The following UBE2N variants were observed in gnomAD, a reference collection of about 807,000 sequenced individuals.
UBE2N encodes ubiquitin-conjugating enzyme E2 N.
For missense variants in UBE2N, 60 were observed against 192.1 expected (o/e 0.31, Z 4.07); for synonymous variants, 70 against 69.2 (o/e 1.01, Z -0.06).
rs1258651606 is a variant in UBE2N at position 93,406,763 on chromosome 12, T to C, written c.*3276A>G. On this transcript the variant is annotated 3_prime_UTR_variant, in exon 4 of 4. Coordinates refer to ENST00000318066, the MANE Select transcript of UBE2N (RefSeq NM_003348.4). ...AGGATTTGTGTAGATTGTATGCATA[T>C]ACAACATCATTTTATTCCAGAGACT... is the stretch of plus-strand genomic sequence containing the variant. 6.6e-6 allele frequency: 1 copy of C among 152,044 alleles called. No individual in the cohort carries two copies. Among genetic ancestry groups the C allele is most frequent in the Non-Finnish European group, 1.5e-5 (1 of 68,004 alleles). 9.4% of individuals were successfully genotyped at this position (152,044 alleles called of 1,614,324 possible). A position where few individuals can be genotyped will look rare whatever the true frequency, so the allele number is the denominator to read the frequency against.
At chr12:93,426,914 A>G (rs1412234097) in intron 1 of UBE2N, among the ~76,000 whole-genome samples, 1 of 150,326 alleles carries the variant, frequency 6.7e-6, no homozygotes, top group Non-Finnish European at 1.5e-5. Context: ...GTGTTAGTGT[A>G]TTTTATGTGT....
At chr12:93,414,598 A>C (rs1420130283) in intron 1 of UBE2N, among the ~76,000 whole-genome samples, 1 of 152,018 alleles carries the variant, frequency 6.6e-6, no homozygotes, top group Non-Finnish European at 1.5e-5. Flanking sequence ...GACAAAAATT[A>C]GCTTCCTTGT....
intron 1 of UBE2N, among the ~76,000 whole-genome samples, chr12:93,427,558 T>C (rs540764308): frequency 1.1e-4 from 17 of 152,272 alleles, no homozygotes; most frequent in African/African-American, 3.1e-4. Context: ...GGAAAATCCA[T>C]AGAATTGGAA....
chr12:93,429,700 G>C (rs968890112), intron 1 of UBE2N, among the ~76,000 whole-genome samples: 2 of 152,008 alleles, frequency 1.3e-5, no homozygotes, highest in African/African-American at 4.8e-5. Flanking sequence ...TAGGACAAGA[G>C]GAGCTGGAAG....
At chr12:93,440,985 T>G (rs1430447832) in intron 1 of UBE2N, among the ~76,000 whole-genome samples, 1 of 152,080 alleles carries the variant, frequency 6.6e-6, no homozygotes, top group Non-Finnish European at 1.5e-5. Context: ...GCCAGGAGTT[T>G]TGGAAGCCGC....
intron 1 of UBE2N, among the ~76,000 whole-genome samples, chr12:93,435,583 G>C (rs1418091742): frequency 9.9e-5 from 15 of 152,188 alleles, no homozygotes. Context: ...CCGAGATTGT[G>C]CCATTGCACT....
chr12:93,421,209 G>C (rs1275552851), intron 1 of UBE2N, among the ~76,000 whole-genome samples: 6 of 146,712 alleles, frequency 4.1e-5, no homozygotes, highest in Admixed American at 1.4e-4. Flanking sequence ...TTTTTTTTTG[G>C]GGGGGCTGGG....
chr12:93,432,933 GTTTTT>G, intron 1 of UBE2N, among the ~76,000 whole-genome samples: 1 of 132,654 alleles, frequency 7.5e-6, no homozygotes, highest in East Asian at 2.2e-4. Flanking sequence ...CTTCATTCAG[GTTTTT>G]TTTTTTTTTT....
chr12:93,433,953 T>C (rs1386815941), intron 1 of UBE2N, among the ~76,000 whole-genome samples: 2 of 152,228 alleles, frequency 1.3e-5, no homozygotes, highest in Non-Finnish European at 2.9e-5. Context: ...TCCAACTTCT[T>C]TGGCCTACAA....
intron 1 of UBE2N, among the ~76,000 whole-genome samples, chr12:93,422,680 T>C (rs993300094): frequency 6.6e-6 from 1 of 152,194 alleles, no homozygotes; most frequent in African/African-American, 2.4e-5. Context: ...CTTGGTTTTT[T>C]TCTTTGATCC....
intron 1 of UBE2N, among the ~76,000 whole-genome samples, chr12:93,439,562 C>T (rs1879039734): frequency 6.6e-6 from 1 of 152,190 alleles, no homozygotes; most frequent in South Asian, 2.1e-4. Context: ...AAAGTCATGT[C>T]CCTATTGCCT....
chr12:93,430,802 T>TTATATATA (rs992126430), intron 1 of UBE2N, among the ~76,000 whole-genome samples: 18 of 147,710 alleles, frequency 1.2e-4, no homozygotes, highest in African/African-American at 4.2e-4. Context: ...AATATATATT[T>TTATATATA]TATATATATA....
rs1332154301 is a variant in UBE2N at position 93,406,393 on chromosome 12, A to G, written c.*3646T>C. On this transcript the variant is annotated 3_prime_UTR_variant, in exon 4 of 4. Transcript: ENST00000318066. ...GTTCCACTTAGGTCACTGTGTTTAT[A>G]ATGTCTTTTAGGACAGATTTCCTTC... 1 of 150,998 alleles carries G rather than the reference A, an allele frequency of 6.6e-6. No homozygotes were observed. Among genetic ancestry groups the G allele is most frequent in the African/African-American group, 2.4e-5 (1 of 41,094 alleles). 9.4% of individuals were successfully genotyped at this position (150,998 alleles called of 1,614,324 possible).
intron 1 of UBE2N, among the ~76,000 whole-genome samples, chr12:93,415,527 C>G (rs1251953736): frequency 2.0e-5 from 3 of 152,112 alleles, no homozygotes; most frequent in African/African-American, 4.8e-5. Flanking sequence ...AATAATGAAG[C>G]CTCTGACCTT....
intron 1 of UBE2N, among the ~76,000 whole-genome samples, chr12:93,417,014 A>G (rs1878238655): frequency 6.6e-6 from 1 of 152,306 alleles, no homozygotes; most frequent in Non-Finnish European, 1.5e-5. Context: ...GTTTAGGGCC[A>G]TGCATAATAG....
chr12:93,410,520 A>T, intron 3 of UBE2N: 1 of 650,924 alleles, frequency 1.5e-6, no homozygotes. Flanking sequence ...TAGTTACAAG[A>T]GACTCCAAGA....
chr12:93,436,553 A>T (rs1878939297), intron 1 of UBE2N, among the ~76,000 whole-genome samples: 1 of 152,194 alleles, frequency 6.6e-6, no homozygotes, highest in Admixed American at 6.5e-5. Context: ...TTATGACAGG[A>T]TTATGCAGAA....
chr12:93,429,127 G>T (rs1212920007), intron 1 of UBE2N, among the ~76,000 whole-genome samples: 2 of 152,006 alleles, frequency 1.3e-5, no homozygotes, highest in Non-Finnish European at 2.9e-5. Flanking sequence ...AAAATTAGCT[G>T]GGTGTGGTGG....
chr12:93,412,059 T>G (rs1415941866), intron 1 of UBE2N, among the ~76,000 whole-genome samples: 1 of 152,044 alleles, frequency 6.6e-6, no homozygotes, highest in Non-Finnish European at 1.5e-5. Flanking sequence ...AGAAAGGAGA[T>G]AAGAAGAGGC....
Sources: allele counts gnomAD v4.1 joint callset (sites outside exome capture counted in the v4.1 genomes callset), GRCh38; gene constraint gnomAD v4.1.1; transcripts MANE v1.5; gene names NCBI Gene and HGNC (gene_info 2026-07-23, HGNC 2026-07-21).